The following AATF variants were observed in gnomAD, a reference collection of about 807,000 sequenced individuals.
AATF encodes the protein protein AATF.
AATF carries 48 observed loss-of-function variants against 63.7 expected under a neutral mutation model. That is an observed-to-expected ratio of 0.75 (90% confidence interval 0.60 to 0.96). AATF has a LOEUF of 0.96. Ranked by LOEUF, AATF falls within the 40% of genes least tolerant of loss-of-function variation. AATF has a pLI of 0.00. For missense variants in AATF, 639 were observed against 685.7 expected (o/e 0.93, Z 0.76); for synonymous variants, 258 against 247.7 (o/e 1.04, Z -0.39).
intron 11 of AATF, among the ~76,000 whole-genome samples, chr17:37,040,392 A>G (rs1171743563): frequency 1.3e-5 from 2 of 152,052 alleles, no homozygotes; most frequent in African/African-American, 4.8e-5. Flanking sequence ...TAATCATATC[A>G]TATTTCACTT....
intron 11 of AATF, among the ~76,000 whole-genome samples, chr17:37,049,243 G>A (rs529769148): frequency 6.6e-6 from 1 of 152,076 alleles, no homozygotes; most frequent in African/African-American, 2.4e-5. Flanking sequence ...AAAAGCATTC[G>A]CCTTGTTCTA....
At chr17:37,046,659 A>G (rs1057284006) in intron 11 of AATF, among the ~76,000 whole-genome samples, 2 of 152,012 alleles carry the variant, frequency 1.3e-5, no homozygotes, top group Non-Finnish European at 2.9e-5. Context: ...ATGGGTTGAC[A>G]TTGAATACCC....
chr17:37,051,385 A>G, intron 11 of AATF: 1 of 152,252 alleles, frequency 6.6e-6, no homozygotes, highest in East Asian at 1.9e-4. Flanking sequence ...TGAAAGCCCC[A>G]CACAGATTAT....
intron 11 of AATF, among the ~76,000 whole-genome samples, chr17:37,032,621 T>C (rs2071560360): frequency 6.6e-6 from 1 of 152,204 alleles, no homozygotes; most frequent in South Asian, 2.1e-4. Context: ...GGGAAGTGTA[T>C]GTATATACAC....
intron 8 of AATF, among the ~76,000 whole-genome samples, chr17:37,006,120 G>C (rs2071339484): frequency 6.6e-6 from 1 of 152,036 alleles, no homozygotes; most frequent in African/African-American, 2.4e-5. Flanking sequence ...CTGAGTGACA[G>C]AGCAAGACCC....
intron 4 of AATF, among the ~76,000 whole-genome samples, chr17:36,980,006 G>A (rs2071109278): frequency 6.6e-6 from 1 of 152,142 alleles, no homozygotes; most frequent in Non-Finnish European, 1.5e-5. Flanking sequence ...TTTTTACCAT[G>A]TGAAATATGA....
In AATF at chr17:37,018,993, T is replaced by A. The variant is rs1408607789; in HGVS notation, c.1399-12T>A. 1 of 1,609,954 alleles carries A rather than the reference T, an allele frequency of 6.2e-7. No individual in the cohort carries two copies. The highest frequency in any genetic ancestry group is 1.7e-5 in the Admixed American group (1 of 59,888). On this transcript the variant is annotated splice_polypyrimidine_tract_variant and intron_variant, in intron 8 of 11. Coordinates refer to ENST00000619387, the MANE Select transcript of AATF (RefSeq NM_012138.4). ...ATGATAAATAAATTCGTTGCTTTCCTTTTTCCCCTAGCTCCTTCGAGAACT... is the reference window on the plus strand; with the variant it reads ...ATGATAAATAAATTCGTTGCTTTCCATTTTCCCCTAGCTCCTTCGAGAACT...
At chr17:36,990,933 G>C in intron 8 of AATF, 76 bp downstream of exon 8, 1 of 1,114,406 alleles carries the variant, frequency 9.0e-7, no homozygotes, top group Non-Finnish European at 1.3e-6. Context: ...TCTGAACAAA[G>C]AAGTTGCTTA....
At chr17:37,019,188 G>A in intron 9 of AATF, 116 bp downstream of exon 9, 2 of 806,866 alleles carry the variant, frequency 2.5e-6, no homozygotes, top group Non-Finnish European at 4.1e-6. Flanking sequence ...TTGAAGTTAA[G>A]CAAGTAAGAG....
In AATF at chr17:36,989,411, G is replaced by A. The variant is rs751213854; in HGVS notation, c.1314G>A (p.Pro438=). The A allele has an allele frequency of 1.2e-5, 19 of 1,610,320 alleles. No homozygotes were observed. The highest frequency in any genetic ancestry group is 3.3e-4 in the Middle Eastern group (2 of 6,026). The part of the protein sequence containing the change: ...QPVPESLPGE[P]EILPQAPANA... ...TCCCAGAGAGTTTGCCAGGGGAACC[G>A]GTAAGAACTCTGTAATGCAGAGTGA... Residue 438 remains proline (P), a splice_region_variant and synonymous_variant, in exon 7 of 12, where the codon CCG becomes CCA. Transcript: ENST00000619387.
intron 11 of AATF, among the ~76,000 whole-genome samples, chr17:37,046,518 A>G (rs1029521493): frequency 2.0e-5 from 3 of 152,162 alleles, no homozygotes; most frequent in Admixed American, 6.5e-5. Context: ...CTCGCATTGC[A>G]GAGCTGGCAC....
At chr17:37,020,129 G>A (rs1456794413) in intron 9 of AATF, among the ~76,000 whole-genome samples, 6 of 151,698 alleles carry the variant, frequency 4.0e-5, no homozygotes, top group African/African-American at 1.5e-4. Context: ...GATTTTCTTA[G>A]CCTAATATCC....
chr17:36,954,209 C>T (rs983062315), intron 4 of AATF, among the ~76,000 whole-genome samples: 2 of 151,722 alleles, frequency 1.3e-5, no homozygotes, highest in Non-Finnish European at 2.9e-5. Context: ...CTTAGCCTTC[C>T]GAGTAGCAGG....
intron 10 of AATF, among the ~76,000 whole-genome samples, chr17:37,028,376 G>C (rs2071526323): frequency 6.6e-6 from 1 of 152,132 alleles, no homozygotes; most frequent in African/African-American, 2.4e-5. Flanking sequence ...CAAGGCTGTA[G>C]TGAGCCGTGA....
At chr17:36,996,542 C>T (rs999219400) in intron 8 of AATF, among the ~76,000 whole-genome samples, 6 of 152,096 alleles carry the variant, frequency 3.9e-5, no homozygotes, top group African/African-American at 1.4e-4. Context: ...TACCAGGGCC[C>T]AATTAAATTT....
intron 8 of AATF, chr17:36,999,299 A>G (rs2071276952): frequency 1.3e-5 from 2 of 152,204 alleles, no homozygotes; most frequent in South Asian, 4.1e-4. Context: ...TCATTCATTC[A>G]ACAAATATTT....
At chr17:37,049,341 G>A (rs1328463489) in intron 11 of AATF, among the ~76,000 whole-genome samples, 3 of 152,076 alleles carry the variant, frequency 2.0e-5, no homozygotes, top group Non-Finnish European at 4.4e-5. Context: ...GGTGGCTCAC[G>A]CCTGTAATCC....
At chr17:36,950,006 C>T (rs377155469) in intron 1 of AATF, among the ~76,000 whole-genome samples, 2 of 152,316 alleles carry the variant, frequency 1.3e-5, no homozygotes, top group East Asian at 1.9e-4. Flanking sequence ...AAATAGATCC[C>T]ACTAGTAGAT....
chr17:36,968,985 TG>T (rs1299587578), intron 4 of AATF, among the ~76,000 whole-genome samples: 2 of 152,144 alleles, frequency 1.3e-5, no homozygotes, highest in African/African-American at 4.8e-5. Flanking sequence ...CTGCTTTTTT[TG>T]TTGTTGTTTT....
Sources: gnomAD v4.1 joint callset for allele counts (sites outside exome capture counted in the v4.1 genomes callset) on GRCh38, gnomAD v4.1.1 for gene constraint, MANE v1.5 for transcripts, NCBI Gene and HGNC (gene_info 2026-07-23, HGNC 2026-07-21) for gene names.